NAV3: variants seen among roughly 807,000 people sequenced by gnomAD.
NAV3 encodes pore membrane and/or filament interacting like protein 1.
In NAV3, 87 loss-of-function variants were observed where a neutral mutation model predicts 244.7. That is an observed-to-expected ratio of 0.36 (90% confidence interval 0.30 to 0.42). NAV3 has a LOEUF of 0.42. NAV3 is among the 20% of genes least tolerant of loss of function. The pLI is 1.00. For missense variants in NAV3, 2,663 were observed against 2,893.3 expected (o/e 0.92, Z 1.83); for synonymous variants, 1,126 against 1,042.2 (o/e 1.08, Z -1.55).
At chr12:77,887,199 T>C (rs1883396074) in intron 1 of NAV3, among the ~76,000 whole-genome samples, 1 of 152,080 alleles carries the variant, frequency 6.6e-6, no homozygotes, top group Non-Finnish European at 1.5e-5. Context: ...GAGAAAATAA[T>C]ATAAATGCTA....
At chr12:77,960,982 A>G (rs951731224) in intron 3 of NAV3, among the ~76,000 whole-genome samples, 37 of 146,640 alleles carry the variant, frequency 2.5e-4, no homozygotes, top group African/African-American at 8.1e-4. Flanking sequence ...ATATATGTAT[A>G]TGTTACATGT....
intron 22 of NAV3, among the ~76,000 whole-genome samples, chr12:78,158,434 A>G (rs1593835323): frequency 1.3e-5 from 2 of 152,252 alleles, no homozygotes; most frequent in South Asian, 2.1e-4. Flanking sequence ...TTGAGCTTTA[A>G]TAAAATCGTC....
intron 30 of NAV3, among the ~76,000 whole-genome samples, chr12:78,182,339 A>G (rs1358019172): frequency 6.6e-6 from 1 of 152,014 alleles, no homozygotes; most frequent in Non-Finnish European, 1.5e-5. Context: ...TGGACCTGAC[A>G]GAGAAGTGAA....
chr12:77,700,740 G>C (rs1320815089), intron 2 of NAV3, among the ~76,000 whole-genome samples: 1 of 151,790 alleles, frequency 6.6e-6, no homozygotes, highest in Non-Finnish European at 1.5e-5. Context: ...TTCTTATTGA[G>C]AGTTTTTATT....
At chr12:77,635,704 CATTT>C (rs1872125403) in intron 2 of NAV3, among the ~76,000 whole-genome samples, 1 of 152,104 alleles carries the variant, frequency 6.6e-6, no homozygotes, top group South Asian at 2.1e-4. Flanking sequence ...TAACAGCTAA[CATTT>C]ATTGAGCACT....
intron 2 of NAV3, among the ~76,000 whole-genome samples, chr12:77,609,412 C>T (rs1345885430): frequency 5.3e-5 from 8 of 151,978 alleles, no homozygotes; most frequent in South Asian, 2.1e-4. Context: ...AAATGTGGAA[C>T]GGAAAATTTC....
intron 2 of NAV3, among the ~76,000 whole-genome samples, chr12:77,784,874 G>C (rs1303279446): frequency 1.3e-5 from 2 of 152,146 alleles, no homozygotes; most frequent in Non-Finnish European, 2.9e-5. Flanking sequence ...GTAGAACTCA[G>C]TCCACACCAG....
chr12:78,177,760 C>T, intron 28 of NAV3, 75 bp downstream of exon 28: 1 of 1,299,784 alleles, frequency 7.7e-7, no homozygotes, highest in Non-Finnish European at 1.1e-6. Context: ...TTTGCTTTTT[C>T]TAAAATCACT....
intron 2 of NAV3, among the ~76,000 whole-genome samples, chr12:77,626,066 A>G (rs1233049080): frequency 6.6e-6 from 1 of 152,188 alleles, no homozygotes; most frequent in East Asian, 1.9e-4. Context: ...ACAACTCGTG[A>G]TCTAAATGAA....
intron 2 of NAV3, among the ~76,000 whole-genome samples, chr12:77,694,049 T>C (rs1875167224): frequency 6.6e-6 from 1 of 152,098 alleles, no homozygotes; most frequent in African/African-American, 2.4e-5. Context: ...ATCCTTAATA[T>C]CAATCTTTAT....
chr12:78,122,335 A>G lies in NAV3; in HGVS notation c.4145A>G (p.His1382Arg), dbSNP rs777104552. 6.2e-7 allele frequency: 1 copy of G among 1,614,088 alleles called. No homozygotes were observed. The highest frequency in any genetic ancestry group is 8.5e-7 in the Non-Finnish European group (1 of 1,179,998). The change falls in exon 16 of 40, where the codon CAT becomes CGT. Residue 1382 changes from histidine (H) to arginine (R), a missense_variant. His to Arg is a conservative substitution (Grantham distance 29, BLOSUM62 0). Around this residue, in one of 6 missense-constraint regions of NAV3, gnomAD observed 354 missense variants for 413.0 expected, o/e 0.86. Transcript: ENST00000397909. ...SSESIDLPLS[H>R]HGSLSGLTTG... The stretch of plus-strand genomic sequence containing the variant: ...GAGTCCATTGACCTCCCCCTCAGCC[A>G]TCATGGCTCCTTGTCTGGACTGACC...
At chr12:77,988,705 C>A (rs2731416) in intron 5 of NAV3, among the ~76,000 whole-genome samples, 24,813 of 152,018 alleles carry the variant, frequency 0.16, 2,129 homozygotes, top group East Asian at 0.3. Context: ...ATGCACTCTT[C>A]AATTCAGACA....
chr12:77,877,791 G>A (rs1423696490), intron 1 of NAV3, among the ~76,000 whole-genome samples: 1 of 152,136 alleles, frequency 6.6e-6, no homozygotes, highest in Non-Finnish European at 1.5e-5. Flanking sequence ...TGACTGTGGT[G>A]TGGGGGTGGG....
intron 12 of NAV3, among the ~76,000 whole-genome samples, chr12:78,103,856 G>C (rs1248784496): frequency 6.6e-6 from 1 of 152,182 alleles, no homozygotes; most frequent in Non-Finnish European, 1.5e-5. Context: ...CAACACATGG[G>C]AATTATGGGA....
chr12:77,580,205 G>T (rs1869287901), intron 2 of NAV3, among the ~76,000 whole-genome samples: 1 of 147,758 alleles, frequency 6.8e-6, no homozygotes, highest in South Asian at 2.2e-4. Flanking sequence ...TTCTTTATTT[G>T]GGGGTAGGGT....
chr12:77,935,399 G>A (rs553168389), intron 1 of NAV3, among the ~76,000 whole-genome samples: 5 of 152,194 alleles, frequency 3.3e-5, no homozygotes, highest in African/African-American at 1.2e-4. Flanking sequence ...ATATCATAGA[G>A]GCAAATGATG....
intron 9 of NAV3, among the ~76,000 whole-genome samples, chr12:78,042,071 G>T (rs1180374609): frequency 6.6e-6 from 1 of 150,924 alleles, no homozygotes; most frequent in African/African-American, 2.4e-5. Flanking sequence ...CCTCCTTTCT[G>T]TTTTCACTTT....
At chr12:77,617,064 C>G (rs1482894775) in intron 2 of NAV3, among the ~76,000 whole-genome samples, 1 of 152,128 alleles carries the variant, frequency 6.6e-6, no homozygotes, top group Non-Finnish European at 1.5e-5. Flanking sequence ...GTGACTTTCT[C>G]TTTAATACAT....
chr12:77,693,493 T>C (rs1875131868), intron 2 of NAV3, among the ~76,000 whole-genome samples: 1 of 152,034 alleles, frequency 6.6e-6, no homozygotes, highest in African/African-American at 2.4e-5. Flanking sequence ...ATGCCAACCA[T>C]GGAATTGCTC....
Sources: gnomAD v4.1 joint callset for allele counts (sites outside exome capture counted in the v4.1 genomes callset) on GRCh38, gnomAD v4.1.1 for gene constraint, gnomAD v4.1.1 regional missense constraint, MANE v1.5 for transcripts, NCBI Gene and HGNC (gene_info 2026-07-23, HGNC 2026-07-21) for gene names.